The following CCSER1 variants were observed in gnomAD, a reference collection of about 807,000 sequenced individuals.
CCSER1 encodes the protein serine-rich coiled-coil domain-containing protein 1.
In CCSER1, 41 loss-of-function variants were observed where a neutral mutation model predicts 82.0. The observed-to-expected ratio is 0.50, with a 90% CI of 0.39 to 0.65. The LOEUF is 0.65. CCSER1 is among the 30% of genes least tolerant of loss of function. CCSER1 has a pLI of 0.00. For missense variants in CCSER1, 1,119 were observed against 1,064.2 expected, an observed-to-expected ratio of 1.05 and a Z score of -0.72; for synonymous variants, 414 against 383.9, an observed-to-expected ratio of 1.08 and a Z score of -0.92.
Position 90,308,243 on chromosome 4 carries a change from G to A in CCSER1, c.-41-1G>A, listed in dbSNP as rs1269466128. On this transcript the variant is annotated splice_acceptor_variant, in intron 1 of 10. Transcript: ENST00000509176. LOFTEE classifies it low-confidence loss of function (5UTR_SPLICE). ...GTTGTTTTTGTTTTAACCTTTCTCA[G>A]GCTGCAAAGTTGGCTTTCACAGTGC... is the stretch of plus-strand genomic sequence containing the variant. 1 of 1,476,762 alleles carries A rather than the reference G, an allele frequency of 6.8e-7. No individual in the cohort carries two copies. The highest frequency in any genetic ancestry group is 1.4e-5 in the South Asian group (1 of 69,660). The allele number at this position is 1,476,762 out of a possible 1,614,324, so 91.5% of individuals were successfully genotyped here. A position where few individuals can be genotyped will look rare whatever the true frequency, so the allele number is the denominator to read the frequency against.
At chr4:91,185,454 G>A (rs1400390392) in intron 10 of CCSER1, among the ~76,000 whole-genome samples, 5 of 152,200 alleles carry the variant, frequency 3.3e-5, no homozygotes, top group African/African-American at 9.7e-5. Context: ...ACAGACTCCT[G>A]TTAGGGACCT....
chr4:90,609,129 A>T (rs1218744510), intron 5 of CCSER1, among the ~76,000 whole-genome samples: 1 of 152,096 alleles, frequency 6.6e-6, no homozygotes, highest in Non-Finnish European at 1.5e-5. Flanking sequence ...TAGAAGTGTG[A>T]TTAATTTTAT....
At chr4:91,139,547 G>A (rs1279751257) in intron 10 of CCSER1, among the ~76,000 whole-genome samples, 2 of 152,164 alleles carry the variant, frequency 1.3e-5, no homozygotes, top group African/African-American at 4.8e-5. Context: ...CAGAGAAGGG[G>A]ACAAATGTAG....
At chr4:91,000,389 T>C (rs1384296184) in intron 9 of CCSER1, among the ~76,000 whole-genome samples, 7 of 151,832 alleles carry the variant, frequency 4.6e-5, no homozygotes, top group Non-Finnish European at 1.0e-4. Context: ...TTACTTAGGA[T>C]TGCTTTGGCT....
chr4:90,992,390 C>T (rs901184729), intron 9 of CCSER1, among the ~76,000 whole-genome samples: 2 of 151,994 alleles, frequency 1.3e-5, no homozygotes, highest in Non-Finnish European at 2.9e-5. Context: ...ATGTAACTCT[C>T]ATCTTGATTT....
intron 1 of CCSER1, among the ~76,000 whole-genome samples, chr4:90,264,903 C>A (rs1161923794): frequency 2.0e-5 from 3 of 151,992 alleles, no homozygotes; most frequent in African/African-American, 7.2e-5. Flanking sequence ...TAATAAGCTC[C>A]AGATTACATT....
intron 8 of CCSER1, among the ~76,000 whole-genome samples, chr4:90,884,077 A>G (rs535476275): frequency 9.9e-5 from 15 of 152,226 alleles, no homozygotes; most frequent in East Asian, 1.9e-4. Context: ...ATCATGTTCA[A>G]TTTTAAGTAT....
chr4:91,080,297 C>A (rs1184605594), intron 9 of CCSER1, among the ~76,000 whole-genome samples: 1 of 152,178 alleles, frequency 6.6e-6, no homozygotes, highest in Non-Finnish European at 1.5e-5. Flanking sequence ...GGAAACTGAA[C>A]AACCTGCTCC....
chr4:90,696,236 C>T (rs765111018), intron 6 of CCSER1, among the ~76,000 whole-genome samples: 2 of 152,112 alleles, frequency 1.3e-5, no homozygotes, highest in Non-Finnish European at 2.9e-5. Flanking sequence ...AATTTATTTA[C>T]ACCCACATTA....
At chr4:91,357,651 T>C (rs950532307) in intron 10 of CCSER1, among the ~76,000 whole-genome samples, 1 of 146,544 alleles carries the variant, frequency 6.8e-6, no homozygotes, top group East Asian at 1.9e-4. Context: ...ACATAAACTG[T>C]TTTTTTTAAT....
chr4:90,312,715 A>G, intron 2 of CCSER1, 148 bp from the exon 3 acceptor site: 3 of 651,440 alleles, frequency 4.6e-6, no homozygotes, highest in Non-Finnish European at 7.9e-6. Flanking sequence ...GATTAAGTGA[A>G]CTAAACTGAT....
intron 9 of CCSER1, among the ~76,000 whole-genome samples, chr4:90,979,857 G>A (rs780903093): frequency 1.3e-5 from 2 of 151,770 alleles, no homozygotes; most frequent in Non-Finnish European, 2.9e-5. Context: ...GAGTTATTTT[G>A]TTAATGAGGC....
chr4:90,943,729 A>ATTTGTTTTTTTTTTTT (rs1731871752), intron 9 of CCSER1, among the ~76,000 whole-genome samples: 1 of 68,852 alleles, frequency 1.5e-5, no homozygotes. Flanking sequence ...TGCCAGGCTA[A>ATTTGTTTTTTTTTTTT]TTTTTTTTTT....
At chr4:90,674,010 G>T (rs766909779) in intron 6 of CCSER1, among the ~76,000 whole-genome samples, 6 of 151,902 alleles carry the variant, frequency 3.9e-5, no homozygotes, top group Non-Finnish European at 5.9e-5. Flanking sequence ...TGGGAGATAT[G>T]GATGCTAACT....
intron 9 of CCSER1, among the ~76,000 whole-genome samples, chr4:91,046,134 G>C (rs1479394786): frequency 6.6e-6 from 1 of 151,956 alleles, no homozygotes; most frequent in Non-Finnish European, 1.5e-5. Flanking sequence ...GTGCAGGCTT[G>C]GGCTCAGAGG....
At chr4:90,897,295 CCT>C (rs1360915929) in intron 8 of CCSER1, among the ~76,000 whole-genome samples, 1 of 151,828 alleles carries the variant, frequency 6.6e-6, no homozygotes, top group Non-Finnish European at 1.5e-5. Context: ...CATAACCTCC[CCT>C]CTTTTGAAGT....
intron 1 of CCSER1, among the ~76,000 whole-genome samples, chr4:90,218,279 C>T (rs1267979634): frequency 3.9e-5 from 6 of 152,118 alleles, no homozygotes; most frequent in Non-Finnish European, 1.5e-5. Context: ...ATGAAGCAGA[C>T]TTGATCCTGG....
chr4:91,099,968 T>A (rs1284765318), intron 10 of CCSER1, among the ~76,000 whole-genome samples: 1 of 152,136 alleles, frequency 6.6e-6, no homozygotes, highest in African/African-American at 2.4e-5. Flanking sequence ...ATGCTGATTT[T>A]CCTCCACAAA....
At chr4:90,971,897 A>C (rs1333215074) in intron 9 of CCSER1, among the ~76,000 whole-genome samples, 1 of 152,000 alleles carries the variant, frequency 6.6e-6, no homozygotes, top group Admixed American at 6.6e-5. Flanking sequence ...GAATAAAAAC[A>C]TATAATCTCA....
Sources: gnomAD v4.1 joint callset for allele counts (sites outside exome capture counted in the v4.1 genomes callset) on GRCh38, gnomAD v4.1.1 for gene constraint, MANE v1.5 for transcripts, NCBI Gene and HGNC (gene_info 2026-07-23, HGNC 2026-07-21) for gene names.